The following MSRA variants were observed in gnomAD, a reference collection of about 807,000 sequenced individuals.
The protein encoded by MSRA is methionine sulfoxide reductase A, also known as mitochondrial peptide methionine sulfoxide reductase.
Under a neutral mutation model 31.3 loss-of-function variants are expected in MSRA, and 54 were observed. That is an observed-to-expected ratio of 1.73 (90% CI 1.39 to 2.17). The LOEUF (loss-of-function observed/expected upper bound fraction) is 2.17, where lower values mean the gene tolerates loss of function less well. MSRA is among the 30% of genes most tolerant of loss of function. The probability of loss-of-function intolerance (pLI) is 0.00; values close to 1 mark genes in which losing one functional copy is unlikely to be tolerated. For synonymous variants in MSRA, 169 were observed against 116.5 expected (o/e 1.45, Z -2.90); for missense variants, 507 against 300.9 (o/e 1.69, Z -5.07).
Position 10,428,267 on chromosome 8 carries a change from C to A in MSRA, c.663C>A (p.Gly221=), listed in dbSNP as rs1342084856. 17 of 1,614,072 alleles carry A rather than the reference C, an allele frequency of 1.1e-5. No homozygotes were observed. The highest frequency in any genetic ancestry group is 1.3e-5 in the Non-Finnish European group (15 of 1,180,044). The change falls in exon 6 of 6, where the codon GGC becomes GGA. Residue 221 remains glycine (G), a synonymous_variant. Transcript: ENST00000317173. ...YLSKNPNGYC[G]LGGTGVSCPV... ...GCAAGAACCCCAATGGCTACTGCGGCCTTGGGGGCACCGGCGTGTCCTGCC... is the reference window on the plus strand; with the variant it reads ...GCAAGAACCCCAATGGCTACTGCGGACTTGGGGGCACCGGCGTGTCCTGCC...
intron 4 of MSRA, among the ~76,000 whole-genome samples, chr8:10,302,766 G>A (rs930868853): frequency 6.6e-5 from 10 of 152,228 alleles, no homozygotes; most frequent in Admixed American, 6.5e-5. Flanking sequence ...GAGGCCGGGG[G>A]CACGATTTCC....
chr8:10,368,547 G>T (rs914351347), intron 5 of MSRA, among the ~76,000 whole-genome samples: 7 of 152,332 alleles, frequency 4.6e-5, no homozygotes, highest in Non-Finnish European at 7.3e-5. Flanking sequence ...CCGGAGTGGG[G>T]TGGTCCCAGT....
chr8:10,409,944 C>A (rs910819792), intron 5 of MSRA, among the ~76,000 whole-genome samples: 21 of 152,182 alleles, frequency 1.4e-4, no homozygotes, highest in Non-Finnish European at 2.8e-4. Flanking sequence ...TCTCTAGTCC[C>A]AGCTACTTGG....
chr8:10,143,472 G>C (rs762247800), intron 1 of MSRA, among the ~76,000 whole-genome samples: 9 of 152,126 alleles, frequency 5.9e-5, no homozygotes, highest in African/African-American at 9.7e-5. Context: ...TGTTAATCAG[G>C]ATTTGTCGTT....
chr8:10,146,751 C>G (rs767115381), intron 1 of MSRA, among the ~76,000 whole-genome samples: 6 of 152,158 alleles, frequency 3.9e-5, no homozygotes, highest in Non-Finnish European at 7.4e-5. Context: ...ATCACACTTT[C>G]TGGGCGTGGC....
chr8:10,405,151 A>G (rs1358918710), intron 5 of MSRA, among the ~76,000 whole-genome samples: 1 of 152,126 alleles, frequency 6.6e-6, no homozygotes, highest in Non-Finnish European at 1.5e-5. Flanking sequence ...ATAGCAAGAC[A>G]TGTCTATGCC....
intron 1 of MSRA, among the ~76,000 whole-genome samples, chr8:10,142,069 C>T (rs536274023): frequency 6.6e-6 from 1 of 152,316 alleles, no homozygotes; most frequent in Non-Finnish European, 1.5e-5. Flanking sequence ...AGCGATTCTC[C>T]TGTCTCAGAC....
intron 5 of MSRA, among the ~76,000 whole-genome samples, chr8:10,345,663 T>A (rs529570157): frequency 1.6e-4 from 24 of 152,346 alleles, no homozygotes; most frequent in Non-Finnish European, 3.2e-4. Flanking sequence ...GCTAAACATC[T>A]CTGTTACATA....
chr8:10,101,201 T>G (rs1799507328), intron 1 of MSRA, among the ~76,000 whole-genome samples: 1 of 152,162 alleles, frequency 6.6e-6, no homozygotes, highest in Non-Finnish European at 1.5e-5. Flanking sequence ...GTAAACCTAA[T>G]TTCTTCATCT....
chr8:10,303,194 T>C (rs1800940738), intron 4 of MSRA, among the ~76,000 whole-genome samples: 2 of 152,234 alleles, frequency 1.3e-5, no homozygotes, highest in Admixed American at 6.5e-5. Flanking sequence ...CTGTGTCCTT[T>C]AATGTGGCCA....
Position 10,415,155 on chromosome 8 carries a change from C to G in MSRA, c.544-12993C>G, listed in dbSNP as rs537012946. 2.4e-4 allele frequency among the ~76,000 whole-genome samples: 36 copies of G among 152,320 alleles called. No individual in the cohort carries two copies. In the South Asian group the frequency reaches 3.9e-3, roughly 17 times the overall value. On this transcript the variant is annotated intron_variant, in intron 5 of 5. Transcript: ENST00000317173. ...ACTATAGGACCCTGAGTTTCATGCTCTGGCCCCAGGAGGGTGCAGCTTAGA... is the reference window on the plus strand; with the variant it reads ...ACTATAGGACCCTGAGTTTCATGCTGTGGCCCCAGGAGGGTGCAGCTTAGA...
At position 10,104,535 on chromosome 8, in the gene MSRA, T is replaced by C. The variant is rs1012261840; in HGVS notation, c.142+49877T>C. 4.6e-5 allele frequency among the ~76,000 whole-genome samples: 7 copies of C among 152,284 alleles called. No homozygotes were observed. The East Asian group carries it at 5.8e-4, about 13-fold the overall frequency. ...TCATAGGTAGATATAAAAATTTTGA[T>C]TGGCGACTGGTTGAAAGAATTATCC... On this transcript the variant is annotated intron_variant, in intron 1 of 5. Coordinates refer to ENST00000317173, the MANE Select transcript of MSRA (RefSeq NM_012331.5).
At chr8:10,413,856 CA>C (rs1336152314) in intron 5 of MSRA, among the ~76,000 whole-genome samples, 13 of 152,132 alleles carry the variant, frequency 8.5e-5, no homozygotes, top group African/African-American at 2.9e-4. Context: ...TTTTGAAAAC[CA>C]CTGAATTGTA....
intron 1 of MSRA, among the ~76,000 whole-genome samples, chr8:10,137,070 C>G (rs761343337): frequency 5.9e-5 from 9 of 152,160 alleles, no homozygotes; most frequent in Non-Finnish European, 1.2e-4. Context: ...GACAAAAATT[C>G]GCTTCCATCC....
chr8:10,057,128 C>A (rs1293317045), intron 1 of MSRA, among the ~76,000 whole-genome samples: 3 of 152,150 alleles, frequency 2.0e-5, no homozygotes, highest in African/African-American at 7.2e-5. Flanking sequence ...CCCAGGCTAC[C>A]TAAAATGGAT....
intron 1 of MSRA, among the ~76,000 whole-genome samples, chr8:10,149,055 C>T (rs1001414756): frequency 6.6e-6 from 1 of 151,334 alleles, no homozygotes; most frequent in African/African-American, 2.4e-5. Context: ...TCCCAGGTTC[C>T]AGTGATTGTC....
chr8:10,234,696 T>C (rs1370437699), intron 2 of MSRA, among the ~76,000 whole-genome samples: 3 of 151,642 alleles, frequency 2.0e-5, no homozygotes, highest in Admixed American at 1.3e-4. Flanking sequence ...TTACAAGAAA[T>C]GCACCTAAAA....
chr8:10,240,973 G>A (rs117305658), intron 2 of MSRA, among the ~76,000 whole-genome samples: 20 of 152,120 alleles, frequency 1.3e-4, no homozygotes, highest in Middle Eastern at 3.4e-3. Context: ...CTTCCTATTC[G>A]TGCAGCTCAC....
chr8:10,227,281 T>G (rs1290618543), intron 2 of MSRA, among the ~76,000 whole-genome samples: 2 of 152,098 alleles, frequency 1.3e-5, no homozygotes, highest in Non-Finnish European at 1.5e-5. Flanking sequence ...AATTTGTCCC[T>G]TGTGACCTCA....
Sources: gnomAD v4.1 joint callset for allele counts (sites outside exome capture counted in the v4.1 genomes callset) on GRCh38, gnomAD v4.1.1 for gene constraint, MANE v1.5 for transcripts, NCBI Gene and HGNC (gene_info 2026-07-23, HGNC 2026-07-21) for gene names.